The following GPHN variants were observed in gnomAD, a reference collection of about 807,000 sequenced individuals.
The protein encoded by GPHN is gephyrin.
In GPHN, 17 loss-of-function variants were observed where a neutral mutation model predicts 95.5. The observed-to-expected ratio is 0.18, with a 90% CI of 0.12 to 0.27. The LOEUF (loss-of-function observed/expected upper bound fraction) is 0.27, where lower values mean the gene tolerates loss of function less well. GPHN is among the 10% of genes least tolerant of loss of function. The pLI is 1.00. For synonymous variants in GPHN, 320 were observed against 322.5 expected (o/e 0.99, Z 0.08); for missense variants, 660 against 978.1 (o/e 0.67, Z 4.34).
chr14:66,718,098 AG>A (rs2070364136), intron 2 of GPHN, among the ~76,000 whole-genome samples: 1 of 152,170 alleles, frequency 6.6e-6, no homozygotes, highest in African/African-American at 2.4e-5. Context: ...TTCAGCTACC[AG>A]GGTGGGTAGG....
chr14:66,543,433 T>C (rs1157697458), intron 1 of GPHN, among the ~76,000 whole-genome samples: 1 of 152,220 alleles, frequency 6.6e-6, no homozygotes, highest in Non-Finnish European at 1.5e-5. Flanking sequence ...AAAAAAATCT[T>C]CTGCACTCAC....
intron 4 of GPHN, among the ~76,000 whole-genome samples, chr14:66,855,098 C>T (rs2062744454): frequency 1.3e-5 from 2 of 152,142 alleles, no homozygotes; most frequent in Admixed American, 1.3e-4. Context: ...CTGCCCACCG[C>T]AGCCTCCCTA....
At chr14:67,687,984 G>A in the GPHN span, among the ~76,000 whole-genome samples, 3 of 151,884 alleles carry the variant, frequency 2.0e-5, no homozygotes, top group Non-Finnish European at 4.4e-5. Flanking sequence ...AGTTGGCCAG[G>A]ATGTTCTCGA....
the GPHN span, among the ~76,000 whole-genome samples, chr14:67,689,911 C>T: frequency 6.6e-6 from 1 of 151,946 alleles, no homozygotes; most frequent in Non-Finnish European, 1.5e-5. Flanking sequence ...CACCATTGCA[C>T]TCCAGCATGG....
the GPHN span, among the ~76,000 whole-genome samples, chr14:67,426,565 AT>A: frequency 3.9e-4 from 59 of 152,014 alleles, no homozygotes; most frequent in Non-Finnish European, 5.0e-4. Flanking sequence ...GATAATGTCT[AT>A]TTTTTTGGTT....
At chr14:67,456,866 A>G in the GPHN span, among the ~76,000 whole-genome samples, 312 of 152,316 alleles carry the variant, frequency 2.0e-3, no homozygotes, top group African/African-American at 6.5e-3. Flanking sequence ...TAGAAAAGAC[A>G]TGGAATCAAC....
chr14:67,434,011 C>A, the GPHN span, among the ~76,000 whole-genome samples: 1 of 152,022 alleles, frequency 6.6e-6, no homozygotes, highest in South Asian at 2.1e-4. Flanking sequence ...ATAAAGCAAA[C>A]ACAAAAATGA....
intron 1 of GPHN, among the ~76,000 whole-genome samples, chr14:66,593,462 A>G (rs1304944404): frequency 6.6e-6 from 1 of 152,136 alleles, no homozygotes; most frequent in African/African-American, 2.4e-5. Context: ...GCAAGAGAGC[A>G]TGTAATGGAA....
chr14:67,119,705 G>A (rs550478331), intron 16 of GPHN, among the ~76,000 whole-genome samples: 4 of 152,270 alleles, frequency 2.6e-5, no homozygotes, highest in African/African-American at 4.8e-5. Flanking sequence ...CAGGAGACTC[G>A]CTTGAACCCA....
At chr14:67,472,138 G>C in the GPHN span, 11,115 of 152,440 alleles carry the variant, frequency 0.073, 466 homozygotes, top group South Asian at 0.14. Context: ...GGAGTTTGGG[G>C]AGAGGGGCAG....
At chr14:66,679,156 C>G (rs1329944754) in intron 1 of GPHN, among the ~76,000 whole-genome samples, 1 of 152,222 alleles carries the variant, frequency 6.6e-6, no homozygotes, top group Non-Finnish European at 1.5e-5. Context: ...TTGAGCCAGT[C>G]TTTGAGTTCA....
intron 6 of GPHN, among the ~76,000 whole-genome samples, chr14:66,916,677 G>T (rs1296023623): frequency 6.6e-6 from 1 of 152,056 alleles, no homozygotes; most frequent in Admixed American, 6.6e-5. Context: ...TTGTTAGATT[G>T]TGTGGTGGCC....
intron 1 of GPHN, among the ~76,000 whole-genome samples, chr14:66,529,056 G>A (rs1365870488): frequency 6.6e-6 from 1 of 152,138 alleles, no homozygotes; most frequent in African/African-American, 2.4e-5. Context: ...CCTGAAGAAT[G>A]TTTTCCAACT....
chr14:67,571,661 A>G, the GPHN span: 4 of 1,379,876 alleles, frequency 2.9e-6, no homozygotes, highest in Non-Finnish European at 3.1e-6. Flanking sequence ...TGGCCACACC[A>G]TGGGCACTTG....
intron 4 of GPHN, among the ~76,000 whole-genome samples, chr14:66,824,773 A>C (rs1243830865): frequency 6.6e-6 from 1 of 152,172 alleles, no homozygotes; most frequent in South Asian, 2.1e-4. Flanking sequence ...AAGTGATAGA[A>C]TATGAGGAAG....
chr14:67,626,490 C>A, the GPHN span, among the ~76,000 whole-genome samples: 1 of 152,128 alleles, frequency 6.6e-6, no homozygotes, highest in Non-Finnish European at 1.5e-5. Flanking sequence ...TATGTATATA[C>A]CTAACAGAAT....
chr14:67,440,046 G>A, the GPHN span, among the ~76,000 whole-genome samples: 49,739 of 151,908 alleles, frequency 0.33, 8,329 homozygotes, highest in Middle Eastern at 0.42. Context: ...ATGTTGGCCA[G>A]GCTGGTCTTG....
intron 17 of GPHN, among the ~76,000 whole-genome samples, chr14:67,126,100 CTG>C (rs1344574999): frequency 1.3e-5 from 2 of 152,104 alleles, no homozygotes; most frequent in African/African-American, 2.4e-5. Flanking sequence ...GAATTAACAA[CTG>C]TATTTGAAAA....
chr14:67,192,992 A>G, the GPHN span, among the ~76,000 whole-genome samples: 2 of 146,248 alleles, frequency 1.4e-5, no homozygotes, highest in East Asian at 4.1e-4. Flanking sequence ...ATCTCTCTAT[A>G]TATCTCTATA....
Sources: gnomAD v4.1 joint callset for allele counts (sites outside exome capture counted in the v4.1 genomes callset) on GRCh38, gnomAD v4.1.1 for gene constraint, MANE v1.5 for transcripts, NCBI Gene and HGNC (gene_info 2026-07-23, HGNC 2026-07-21) for gene names.